Variants in LHX3 observed in about 807,000 individuals in gnomAD.
LHX3 encodes the protein LIM homeobox 3, also known as LIM/homeobox protein Lhx3.
A neutral mutation model predicts 32.4 loss-of-function variants in LHX3; 21 were observed. The observed-to-expected ratio is 0.65, with a 90% confidence interval of 0.46 to 0.93. The LOEUF (loss-of-function observed/expected upper bound fraction) is 0.93. Ranked by LOEUF, LHX3 falls within the 40% of genes least tolerant of loss-of-function variation. LHX3 has a pLI of 0.00. For synonymous variants in LHX3, 258 were observed against 246.8 expected (o/e 1.05, Z -0.43); for missense variants, 626 against 560.0 (o/e 1.12, Z -1.19).
At position 136,197,150 on chromosome 9, in the gene LHX3, A is replaced by T. The variant is rs1831509276; in HGVS notation, c.*175T>A. On this transcript the variant is annotated 3_prime_UTR_variant, in exon 6 of 6. Transcript: ENST00000371748. Reference sequence around the variant, plus strand: ...CCAGCCCTGTGTCAGAGGAGGGGCCAGGTGGGTCCCTCAGCCCCCAGAGAG... The same window carrying T: ...CCAGCCCTGTGTCAGAGGAGGGGCCTGGTGGGTCCCTCAGCCCCCAGAGAG... 2.9e-6 allele frequency: 2 copies of T among 678,238 alleles called. No homozygotes were observed. The highest frequency in any genetic ancestry group is 5.1e-6 in the Non-Finnish European group (2 of 395,124). 42.0% of individuals were successfully genotyped at this position (678,238 alleles called of 1,614,324 possible).
chr9:136,199,631 AT>A (rs1564283281), intron 3 of LHX3, 46 bp downstream of exon 3: 3 of 1,602,514 alleles, frequency 1.9e-6, no homozygotes, highest in Non-Finnish European at 2.6e-6. Flanking sequence ...CCTCAGCCCC[AT>A]TTTTTTCAGA....
In LHX3 at chr9:136,198,759, C is replaced by A. The variant is rs200625905; in HGVS notation, c.668G>T (p.Arg223Leu). Residue 223 changes from arginine to leucine, a missense_variant, in exon 5 of 6, where the codon CGC becomes CTC. Arg to Leu is a moderately radical substitution (Grantham distance 102). Coordinates refer to ENST00000371748, the MANE Select transcript of LHX3 (RefSeq NM_178138.6). ...KRLKKDAGRQ[R>L]WGQYFRNMKR... ...CATGTTGCGGAAATACTGCCCCCAG[C>A]GCTGCCGGCCGGCGTCCTTCTTCAG... The A allele has an allele frequency of 5.0e-6, 8 of 1,611,320 alleles. No individual in the cohort carries two copies. In the Admixed American group the frequency reaches 5.0e-5, roughly 10 times the overall value.
chr9:136,198,777 T>A lies in LHX3; in HGVS notation c.650A>T (p.Lys217Met). ...NRRAKEKRLK[K>M]DAGRQRWGQY... ...CCCCCAGCGCTGCCGGCCGGCGTCC[T>A]TCTTCAGCCTCTTCTCCTTGGCCCG... The change falls in exon 5 of 6, where the codon AAG (lysine) becomes ATG (methionine). Residue 217 changes from lysine (K) to methionine (M), a missense_variant. Coordinates refer to ENST00000371748, the MANE Select transcript of LHX3 (RefSeq NM_178138.6). 1 of 1,610,842 alleles carries A rather than the reference T, an allele frequency of 6.2e-7. No individual in the cohort carries two copies.
At position 136,198,805 on chromosome 9, in the gene LHX3, G is replaced by C; in HGVS notation, c.622C>G (p.Arg208Gly). ...TTCAGCCTCTTCTCCTTGGCCCGGC[G>C]GTTCTGGAACCAAACCTGGGGGCGG... ...MRVVQVWFQN[R>G]RAKEKRLKKD... The change falls in exon 5 of 6, where the codon CGC becomes GGC. Residue 208 changes from arginine to glycine, a missense_variant. Transcript: ENST00000371748. The C allele has an allele frequency of 6.2e-7, 1 of 1,608,924 alleles. No individual in the cohort carries two copies. Among genetic ancestry groups the C allele is most frequent in the Non-Finnish European group, 8.5e-7 (1 of 1,179,016 alleles).
chr9:136,201,658 C>G, intron 1 of LHX3: 3 of 990,320 alleles, frequency 3.0e-6, no homozygotes, highest in Non-Finnish European at 3.6e-6. Flanking sequence ...CCCGCCGGCT[C>G]CAGCCCATCT....
chr9:136,203,144 C>T, intron 1 of LHX3: 2 of 1,345,460 alleles, frequency 1.5e-6, no homozygotes, highest in Non-Finnish European at 1.9e-6. Flanking sequence ...ACTCCGGGTG[C>T]TGCTGGGCGC....
rs1276407981 is a variant in LHX3 at position 136,198,977 on chromosome 9, C to G, written c.537G>C (p.Ser179=). ...LETLKSAYNT[S]PKPARHVREQ... is the part of the protein sequence containing the mutation. The stretch of plus-strand genomic sequence containing the variant: ...CGCGCACGTGGCGCGCCGGCTTGGG[C>G]GAGGTGTTGTAAGCGCTCTTCAGCG... Residue 179 remains serine (S), a synonymous_variant, in exon 4 of 6, where the codon TCG becomes TCC. Coordinates refer to ENST00000371748, the MANE Select transcript of LHX3 (RefSeq NM_178138.6). 6.3e-7 allele frequency: 1 copy of G among 1,592,488 alleles called. No homozygotes were observed. Among genetic ancestry groups the G allele is most frequent in the Non-Finnish European group, 8.5e-7 (1 of 1,173,400 alleles).
rs1316457009 is a variant in LHX3 at position 136,205,110 on chromosome 9, A to AGGGAGCCC, written c.-106_-99dup. The AGGGAGCCC allele has an allele frequency of 3.8e-6, 4 of 1,066,088 alleles. No homozygotes were observed. The highest frequency in any genetic ancestry group is 5.2e-6 in the Non-Finnish European group (4 of 764,458). 66.0% of individuals were successfully genotyped at this position (1,066,088 alleles called of 1,614,324 possible). A position where few individuals can be genotyped will look rare whatever the true frequency, so the allele number is the denominator to read the frequency against. On this transcript the variant is annotated 5_prime_UTR_variant, in exon 1 of 6. Transcript: ENST00000371748. ...CAAGTCCCGCCGCGTCGTGCGGGGCAGGGAGCCCGGGAGCCACTGGGCCTG... is the reference window on the plus strand; with the variant it reads ...CAAGTCCCGCCGCGTCGTGCGGGGCAGGGAGCCCGGGAGCCCGGGAGCCACTGGGCCTG...
chr9:136,205,041 C>T lies in LHX3; in HGVS notation c.-29G>A, dbSNP rs1309550977. On this transcript the variant is annotated 5_prime_UTR_variant, in exon 1 of 6. Transcript: ENST00000371748. ...GGCCACCAGGCCGAGTGGCGCGAGA[C>T]GCGCTCCTCCTAGGTCAGCGTCCCC... 1 of 1,549,548 alleles carries T rather than the reference C, an allele frequency of 6.5e-7. No homozygotes were observed. Among genetic ancestry groups the T allele is most frequent in the Admixed American group, 1.8e-5 (1 of 54,606 alleles).
rs545939943 is a variant in LHX3, at chr9:136,196,807, C to T, written c.*518G>A. The stretch of plus-strand genomic sequence containing the variant: ...TCTGGGGAGAGGAGGGGGCCTCTCC[C>T]GGAGGACACAGGTGTGTCCCCGCCT... On this transcript the variant is annotated 3_prime_UTR_variant, in exon 6 of 6. Coordinates refer to ENST00000371748, the MANE Select transcript of LHX3 (RefSeq NM_178138.6). 1.5e-3 allele frequency: 236 copies of T among 157,738 alleles called. No homozygotes were observed. The highest frequency in any genetic ancestry group is 2.2e-3 in the Non-Finnish European group (160 of 71,696). 9.8% of individuals were successfully genotyped at this position (157,738 alleles called of 1,614,324 possible).
chr9:136,197,940 C>T (rs1238974257), intron 5 of LHX3, among the ~76,000 whole-genome samples, 197 bp from the exon 6 acceptor site: 1 of 152,156 alleles, frequency 6.6e-6, no homozygotes, highest in African/African-American at 2.4e-5. Context: ...CTGAGTCAGC[C>T]CAGGTGTCTC....
At chr9:136,200,085 G>C in intron 2 of LHX3, 1 of 686,872 alleles carries the variant, frequency 1.5e-6, no homozygotes, top group African/African-American at 1.8e-5. Context: ...GAAAGACCTC[G>C]GGGAGCCCAG....
Position 136,197,440 on chromosome 9 carries a change from A to G in LHX3, c.1079T>C (p.Val360Ala), listed in dbSNP as rs370781523. Residue 360 changes from valine (V) to alanine (A), a missense_variant, in exon 6 of 6, where the codon GTG (valine) becomes GCG (alanine). Transcript: ENST00000371748. ...GAPGGPPPMR[V>A]LAGNGPSSDL... ...AGAACTGGGTCCGTTCCCTGCCAGCACCCTCATGGGTGGGGGCCCGCCGGG... is the reference window on the plus strand; with the variant it reads ...AGAACTGGGTCCGTTCCCTGCCAGCGCCCTCATGGGTGGGGGCCCGCCGGG... 1.6e-5 allele frequency: 26 copies of G among 1,590,306 alleles called. No homozygotes were observed. In the African/African-American group the frequency reaches 2.4e-4, roughly 15 times the overall value.
chr9:136,197,315 C>T lies in LHX3; in HGVS notation c.*10G>A, dbSNP rs1831513541. 3 of 1,611,358 alleles carry T rather than the reference C, an allele frequency of 1.9e-6. No homozygotes were observed. Among genetic ancestry groups the T allele is most frequent in the Admixed American group, 1.7e-5 (1 of 60,004 alleles). ...CCTCGTGTGAGGTGCAGGGTGGAGCCGGGCCTGGGTCAGAACTGAGCGTGG... is the reference window on the plus strand; with the variant it reads ...CCTCGTGTGAGGTGCAGGGTGGAGCTGGGCCTGGGTCAGAACTGAGCGTGG... On this transcript the variant is annotated 3_prime_UTR_variant, in exon 6 of 6. Coordinates refer to ENST00000371748, the MANE Select transcript of LHX3 (RefSeq NM_178138.6).
chr9:136,198,862 G>C (rs1174092129), intron 4 of LHX3, 42 bp from the exon 5 acceptor site: 1 of 1,593,266 alleles, frequency 6.3e-7, no homozygotes. Flanking sequence ...GCTCTGCGGG[G>C]GCCCCCAAGG....
intron 5 of LHX3, 106 bp downstream of exon 5, chr9:136,198,546 G>A (rs1831549257): frequency 1.6e-6 from 2 of 1,255,298 alleles, no homozygotes; most frequent in African/African-American, 1.5e-5. Context: ...AACTTAAGGA[G>A]TCCACTAACT....
chr9:136,201,381 C>G (rs1045276582), intron 1 of LHX3: 22 of 1,237,946 alleles, frequency 1.8e-5, no homozygotes, highest in Non-Finnish European at 1.9e-5. Flanking sequence ...CGTGGGTGCC[C>G]CCAACACCGT....
At chr9:136,203,324 C>G (rs538641824) in intron 1 of LHX3, among the ~76,000 whole-genome samples, 1 of 151,874 alleles carries the variant, frequency 6.6e-6, no homozygotes, top group Non-Finnish European at 1.5e-5. Context: ...AGAGGCCGCC[C>G]CGCGTGCCCG....
At chr9:136,204,698 C>G (rs1831716569) in intron 1 of LHX3, among the ~76,000 whole-genome samples, 1 of 152,186 alleles carries the variant, frequency 6.6e-6, no homozygotes, top group African/African-American at 2.4e-5. Flanking sequence ...CTGCGATGCC[C>G]CCTTTTTTTC....
Sources: allele counts gnomAD v4.1 joint callset (sites outside exome capture counted in the v4.1 genomes callset), GRCh38; gene constraint gnomAD v4.1.1; transcripts MANE v1.5; gene names NCBI Gene and HGNC (gene_info 2026-07-23, HGNC 2026-07-21).